The following GMDS variants were observed in gnomAD, a reference collection of about 807,000 sequenced individuals.
The protein encoded by GMDS is GDP-mannose 4,6 dehydratase.
Under a neutral mutation model 49.9 loss-of-function variants are expected in GMDS, and 20 were observed. The observed-to-expected ratio is 0.40, with a 90% CI of 0.28 to 0.58. GMDS has a LOEUF of 0.58. Among genes scored for constraint, GMDS ranks in the 20% least tolerant of loss-of-function variants. The pLI is 0.42. For missense variants in GMDS, 362 were observed against 481.4 expected (o/e 0.75, Z 2.32); for synonymous variants, 177 against 178.6 (o/e 0.99, Z 0.07).
intron 6 of GMDS, among the ~76,000 whole-genome samples, chr6:1,946,433 T>A (rs1187342075): frequency 6.6e-6 from 1 of 152,200 alleles, no homozygotes; most frequent in Non-Finnish European, 1.5e-5. Context: ...CGTTTTATTA[T>A]GGGGATTAAA....
intron 1 of GMDS, among the ~76,000 whole-genome samples, chr6:2,156,462 T>C (rs1396213779): frequency 6.6e-6 from 1 of 152,132 alleles, no homozygotes; most frequent in Admixed American, 6.6e-5. Context: ...GTGAGATTAA[T>C]AAGAAAACAA....
chr6:2,013,584 G>A (rs920155655), intron 4 of GMDS, among the ~76,000 whole-genome samples: 6 of 152,112 alleles, frequency 3.9e-5, no homozygotes, highest in East Asian at 1.9e-4. Flanking sequence ...GAAGATATGC[G>A]TAATGCAAGA....
At chr6:1,939,977 A>G (rs1327333760) in intron 6 of GMDS, among the ~76,000 whole-genome samples, 1 of 152,246 alleles carries the variant, frequency 6.6e-6, no homozygotes, top group East Asian at 1.9e-4. Context: ...ACCACACTAC[A>G]CAAAATTACT....
chr6:1,691,170 T>A (rs762217796), intron 9 of GMDS, among the ~76,000 whole-genome samples: 2 of 152,140 alleles, frequency 1.3e-5, no homozygotes, highest in Non-Finnish European at 2.9e-5. Flanking sequence ...CATGGAATAC[T>A]ACGAAAACAT....
At chr6:2,116,673 C>T (rs1581672365) in intron 3 of GMDS, among the ~76,000 whole-genome samples, 1 of 152,192 alleles carries the variant, frequency 6.6e-6, no homozygotes, top group East Asian at 1.9e-4. Flanking sequence ...TTCAAATATG[C>T]AGGGGTCAGG....
intron 4 of GMDS, among the ~76,000 whole-genome samples, chr6:2,069,813 G>A (rs1443034454): frequency 1.3e-5 from 2 of 152,074 alleles, no homozygotes; most frequent in African/African-American, 4.8e-5. Flanking sequence ...CTTTTACACT[G>A]CTGGTGGGAC....
At chr6:2,196,479 T>C (rs889388649) in intron 1 of GMDS, among the ~76,000 whole-genome samples, 1 of 152,234 alleles carries the variant, frequency 6.6e-6, no homozygotes, top group Non-Finnish European at 1.5e-5. Flanking sequence ...AAATCTACCA[T>C]AGCAGGTCTC....
In GMDS at chr6:1,969,410, TA is replaced by T. The variant is rs553200887; in HGVS notation, c.346-8445del. ...AATGAATTAAGGGAAGGTATTTGAA[TA>T]ACAATTTTAGTAAGGAAAAACATTT... is the stretch of plus-strand genomic sequence containing the variant. On this transcript the variant is annotated intron_variant, in intron 4 of 10. Coordinates refer to ENST00000380815, the MANE Select transcript of GMDS (RefSeq NM_001500.4). Among the ~76,000 whole-genome samples, 374 of 151,730 alleles carry T rather than the reference TA, an allele frequency of 2.5e-3. 3 individuals are homozygous for T. Among genetic ancestry groups the T allele is most frequent in the Non-Finnish European group, 3.7e-3 (252 of 67,944 alleles).
chr6:1,800,039 G>A (rs1301227195), intron 7 of GMDS, among the ~76,000 whole-genome samples: 4 of 152,154 alleles, frequency 2.6e-5, no homozygotes, highest in African/African-American at 7.2e-5. Flanking sequence ...AGTAAGGGAA[G>A]AGAGCAGGAG....
chr6:1,921,104 C>A (rs539737357), intron 7 of GMDS, among the ~76,000 whole-genome samples: 41 of 152,282 alleles, frequency 2.7e-4, no homozygotes, highest in African/African-American at 8.7e-4. Flanking sequence ...AGTTTCATAA[C>A]CCTCATAATC....
At chr6:2,237,847 T>A (rs1175754114) in intron 1 of GMDS, among the ~76,000 whole-genome samples, 2 of 151,702 alleles carry the variant, frequency 1.3e-5, no homozygotes, top group Non-Finnish European at 2.9e-5. Context: ...CATTAGGAAA[T>A]GCAAATAATC....
intron 4 of GMDS, among the ~76,000 whole-genome samples, chr6:2,033,083 G>C: frequency 6.6e-6 from 1 of 152,188 alleles, no homozygotes; most frequent in East Asian, 1.9e-4. Context: ...GAAGGAAAAT[G>C]AAGTCTTTGC....
At chr6:1,781,895 C>A (rs1769106835) in intron 7 of GMDS, among the ~76,000 whole-genome samples, 1 of 150,218 alleles carries the variant, frequency 6.7e-6, no homozygotes. Flanking sequence ...TTTAGAGAAT[C>A]CCAGCTGTCC....
At chr6:2,204,702 T>C (rs746236834) in intron 1 of GMDS, among the ~76,000 whole-genome samples, 1 of 152,146 alleles carries the variant, frequency 6.6e-6, no homozygotes, top group Non-Finnish European at 1.5e-5. Context: ...TTGCAGAAAA[T>C]TTTATTGGCC....
intron 9 of GMDS, among the ~76,000 whole-genome samples, chr6:1,653,568 G>A (rs1334316503): frequency 6.6e-6 from 1 of 152,184 alleles, no homozygotes; most frequent in Non-Finnish European, 1.5e-5. Flanking sequence ...CAAAGATACA[G>A]TAATCACAAC....
At chr6:1,725,033 C>T (rs1766524530) in intron 9 of GMDS, among the ~76,000 whole-genome samples, 1 of 152,212 alleles carries the variant, frequency 6.6e-6, no homozygotes, top group Non-Finnish European at 1.5e-5. Context: ...TAAATGATGA[C>T]CGATTCACTT....
intron 1 of GMDS, among the ~76,000 whole-genome samples, chr6:2,177,949 T>C (rs962203796): frequency 6.6e-6 from 1 of 152,182 alleles, no homozygotes; most frequent in Non-Finnish European, 1.5e-5. Flanking sequence ...GGAATACTAT[T>C]CAGCCATAAA....
At chr6:1,842,571 G>T (rs904931497) in intron 7 of GMDS, among the ~76,000 whole-genome samples, 4 of 152,188 alleles carry the variant, frequency 2.6e-5, no homozygotes, top group African/African-American at 7.2e-5. Flanking sequence ...CAATACTGTG[G>T]ACAGCAAAGA....
intron 7 of GMDS, among the ~76,000 whole-genome samples, chr6:1,765,181 T>C (rs1768303506): frequency 6.6e-6 from 1 of 152,178 alleles, no homozygotes; most frequent in Non-Finnish European, 1.5e-5. Context: ...TAACTGGAGA[T>C]TGTGCTTTTT....
Sources: gnomAD v4.1 joint callset for allele counts (sites outside exome capture counted in the v4.1 genomes callset) on GRCh38, gnomAD v4.1.1 for gene constraint, MANE v1.5 for transcripts, NCBI Gene and HGNC (gene_info 2026-07-23, HGNC 2026-07-21) for gene names.